The following CD99 variants were observed in gnomAD, a reference collection of about 807,000 sequenced individuals.
CD99 encodes the protein CD99 molecule (Xg blood group).
In CD99, 19 loss-of-function variants were observed where a neutral mutation model predicts 28.4. The observed-to-expected ratio is 0.67, with a 90% confidence interval of 0.47 to 0.98. The LOEUF (loss-of-function observed/expected upper bound fraction) is 0.98, where lower values mean the gene tolerates loss of function less well. CD99 is among the 50% of genes least tolerant of loss of function. CD99 has a pLI of 0.00. For synonymous variants in CD99, 103 were observed against 92.1 expected (o/e 1.12, Z -0.67); for missense variants, 283 against 248.8 (o/e 1.14, Z -0.92).
At position 2,737,898 on chromosome X, in the gene CD99, G is replaced by A. The variant is rs781413625; in HGVS notation, c.476-302G>A. 26 of 564,136 alleles carry A rather than the reference G, an allele frequency of 4.6e-5. 1 individual carries two copies. Among genetic ancestry groups the A allele is most frequent in the South Asian group, 2.9e-4 (15 of 51,556 alleles). 34.9% of individuals were successfully genotyped at this position (564,136 alleles called of 1,614,324 possible). On this transcript the variant is annotated intron_variant, in intron 8 of 9. Coordinates refer to ENST00000381192, the MANE Select transcript of CD99 (RefSeq NM_002414.5). ...TTTTATAGAAAGAGCTTCCATGTGCGTGTTCCTCAGTGTTTAGGGAGAAGA... is the reference window on the plus strand; with the variant it reads ...TTTTATAGAAAGAGCTTCCATGTGCATGTTCCTCAGTGTTTAGGGAGAAGA...
chrX:2,738,508 G>T (rs1461564173), intron 9 of CD99, among the ~76,000 whole-genome samples: 2 of 152,022 alleles, frequency 1.3e-5, no homozygotes, highest in Non-Finnish European at 2.9e-5. Context: ...TATTAAGGAA[G>T]TTTTCCCAGG....
At chrX:2,722,305 C>G (rs1350177228) in intron 5 of CD99, among the ~76,000 whole-genome samples, 1 of 152,020 alleles carries the variant, frequency 6.6e-6, no homozygotes, top group Non-Finnish European at 1.5e-5. Context: ...CGTTTTTCCA[C>G]TTTATTTATG....
chrX:2,696,768 C>G (rs955990495), intron 1 of CD99, among the ~76,000 whole-genome samples: 2 of 152,162 alleles, frequency 1.3e-5, no homozygotes, highest in South Asian at 4.1e-4. Context: ...TTTCACATCT[C>G]TAGAGACCAG....
intron 1 of CD99, among the ~76,000 whole-genome samples, chrX:2,712,928 C>T (rs2048491497): frequency 6.6e-6 from 1 of 151,976 alleles, no homozygotes; most frequent in Non-Finnish European, 1.5e-5. Context: ...TGCACCTATG[C>T]ATATGCACAC....
intron 1 of CD99, among the ~76,000 whole-genome samples, chrX:2,713,848 C>A (rs780813162): frequency 6.6e-6 from 1 of 152,150 alleles, no homozygotes; most frequent in African/African-American, 2.4e-5. Flanking sequence ...TTCTTCAGTG[C>A]GCCAGAGATG....
rs1052569984 is a variant in CD99 at position 2,732,606 on chromosome X, TCCTC to T, written c.476-5582_476-5579del. ...TCTTTCTTGAACTCTCCCTCTTTCTTCCTCCCTCCCTCCCTTCTTCTTTTCCTCC... is the reference window on the plus strand; with the variant it reads ...TCTTTCTTGAACTCTCCCTCTTTCTTCCTCCCTCCCTTCTTCTTTTCCTCC... On this transcript the variant is annotated intron_variant, in intron 8 of 9. Coordinates refer to ENST00000381192, the MANE Select transcript of CD99 (RefSeq NM_002414.5). Among the ~76,000 whole-genome samples the T allele has an allele frequency of 5.3e-5, 8 of 149,896 alleles. No homozygotes were observed. In the East Asian group the frequency reaches 6.5e-4, roughly 12 times the overall value.
In CD99 at chrX:2,723,243, T is replaced by G. The variant is rs2049091130; in HGVS notation, c.311-71T>G. ...TGTAAGAAGCAGGACCCCAGCCTCT[T>G]CACGGTCCTGGCTGTGAATTTTTCC... On this transcript the variant is annotated intron_variant, in intron 6 of 9. Coordinates refer to ENST00000381192, the MANE Select transcript of CD99 (RefSeq NM_002414.5). The G allele has an allele frequency of 1.5e-5, 23 of 1,514,494 alleles. No homozygotes were observed. The South Asian group carries it at 2.6e-4, about 17-fold the overall frequency. The allele number at this position is 1,514,494 out of a possible 1,614,324, so 93.8% of individuals were successfully genotyped here.
chrX:2,699,036 C>G (rs2124474682), intron 1 of CD99, among the ~76,000 whole-genome samples: 1 of 152,054 alleles, frequency 6.6e-6, no homozygotes, highest in Non-Finnish European at 1.5e-5. Context: ...AAGCAGCCCA[C>G]CTACCTCAGC....
At chrX:2,737,209 G>A (rs2049987952) in intron 8 of CD99, among the ~76,000 whole-genome samples, 1 of 152,092 alleles carries the variant, frequency 6.6e-6, no homozygotes, top group Non-Finnish European at 1.5e-5. Flanking sequence ...AGACAGTCTT[G>A]CTCTGTCACC....
rs2048792683 is a variant in CD99 at position 2,717,625 on chromosome X, A to G, written c.121A>G (p.Thr41Ala). ...TTTAGACAATGAAAACAAGAAACCC[A>G]CTGCAATCCCCAAGAAACCCAGTGC... is the stretch of plus-strand genomic sequence containing the variant. ...ALPDNENKKP[T>A]AIPKKPSAGD... The change falls in exon 3 of 10, where the codon ACT becomes GCT. Residue 41 changes from threonine (T) to alanine (A), a missense_variant. By Grantham distance (58) the Thr-to-Ala change is moderately conservative (BLOSUM62 0). Coordinates refer to ENST00000381192, the MANE Select transcript of CD99 (RefSeq NM_002414.5). 6.2e-7 allele frequency: 1 copy of G among 1,613,650 alleles called. No homozygotes were observed. Among genetic ancestry groups the G allele is most frequent in the Non-Finnish European group, 8.5e-7 (1 of 1,179,676 alleles).
At chrX:2,733,722 A>G (rs1017279852) in intron 8 of CD99, 5 of 361,316 alleles carry the variant, frequency 1.4e-5, no homozygotes, top group East Asian at 4.6e-5. Context: ...CATCCCTGCC[A>G]AGGGAACAAA....
At chrX:2,705,821 G>C (rs1326377983) in intron 1 of CD99, among the ~76,000 whole-genome samples, 1 of 152,162 alleles carries the variant, frequency 6.6e-6, no homozygotes, top group Non-Finnish European at 1.5e-5. Context: ...CAACAGAAAA[G>C]TAAGGGTGTT....
chrX:2,716,175 T>C (rs766942783), intron 2 of CD99, among the ~76,000 whole-genome samples: 110 of 152,090 alleles, frequency 7.2e-4, no homozygotes, highest in African/African-American at 2.5e-3. Context: ...TGCACCACCA[T>C]GCCTAGCTAG....
chrX:2,711,404 T>G (rs2048402677), intron 1 of CD99, among the ~76,000 whole-genome samples: 1 of 126,830 alleles, frequency 7.9e-6, no homozygotes, highest in South Asian at 2.5e-4. Flanking sequence ...ATATAGTATG[T>G]GTGTGTATTA....
intron 5 of CD99, among the ~76,000 whole-genome samples, chrX:2,721,481 A>G (rs2048991215): frequency 6.6e-6 from 1 of 151,988 alleles, no homozygotes; most frequent in African/African-American, 2.4e-5. Flanking sequence ...TTTTTTGTAG[A>G]GGTGGGGTCT....
intron 8 of CD99, chrX:2,733,782 T>G (rs1167813601): frequency 4.5e-6 from 1 of 224,394 alleles, no homozygotes; most frequent in African/African-American, 2.2e-5. Flanking sequence ...TAGGTTAAGC[T>G]CACTCACGTC....
intron 1 of CD99, among the ~76,000 whole-genome samples, chrX:2,705,644 T>C (rs2048077896): frequency 6.6e-6 from 1 of 152,112 alleles, no homozygotes; most frequent in Non-Finnish European, 1.5e-5. Flanking sequence ...TTTCAAATAT[T>C]CAAGCCATTG....
chrX:2,698,181 G>C (rs868717713), intron 1 of CD99, among the ~76,000 whole-genome samples: 2 of 144,310 alleles, frequency 1.4e-5, no homozygotes, highest in Admixed American at 6.9e-5. Context: ...TTTTTTCTTT[G>C]TTTCTTTTTT....
chrX:2,691,519 C>A, intron 1 of CD99, 92 bp downstream of exon 1: 2 of 1,369,840 alleles, frequency 1.5e-6, no homozygotes, highest in Non-Finnish European at 2.0e-6. Flanking sequence ...GGGCGCCCCG[C>A]GGGGACACCC....
Sources: allele counts gnomAD v4.1 joint callset (sites outside exome capture counted in the v4.1 genomes callset), GRCh38; gene constraint gnomAD v4.1.1; transcripts MANE v1.5; gene names NCBI Gene and HGNC (gene_info 2026-07-23, HGNC 2026-07-21).